TMEM237: variants seen among roughly 807,000 people sequenced by gnomAD.
The protein encoded by TMEM237 is amyotrophic lateral sclerosis 2 (juvenile) chromosome region, candidate 4.
TMEM237 carries 51 observed loss-of-function variants against 59.1 expected under a neutral mutation model. The ratio of observed to expected loss-of-function variants is 0.86; its 90% CI spans 0.69 to 1.09. The LOEUF (loss-of-function observed/expected upper bound fraction) is 1.09. Ranked by LOEUF, TMEM237 falls within the 50% of genes least tolerant of loss-of-function variation. The pLI is 0.00. For missense variants in TMEM237, 475 were observed against 478.3 expected (o/e 0.99, Z 0.06); for synonymous variants, 140 against 166.1 (o/e 0.84, Z 1.21).
intron 3 of TMEM237, among the ~76,000 whole-genome samples, chr2:201,639,589 A>C (rs574092904): frequency 5.9e-5 from 9 of 152,332 alleles, no homozygotes; most frequent in African/African-American, 2.2e-4. Context: ...TGAGCTCAGG[A>C]GTTCGACACC....
At chr2:201,629,618 T>C in intron 8 of TMEM237, 111 bp downstream of exon 8, 2 of 1,449,166 alleles carry the variant, frequency 1.4e-6, no homozygotes, top group Non-Finnish European at 1.8e-6. Flanking sequence ...TACCTACCAT[T>C]TTAAGTTGTG....
intron 11 of TMEM237, among the ~76,000 whole-genome samples, chr2:201,626,584 T>C (rs970550085): frequency 1.4e-5 from 2 of 145,950 alleles, no homozygotes; most frequent in Non-Finnish European, 3.0e-5. Flanking sequence ...TTTTATGAAC[T>C]ATAATCTCAG....
chr2:201,626,444 C>A, intron 11 of TMEM237: 1 of 183,792 alleles, frequency 5.4e-6, no homozygotes, highest in African/African-American at 2.4e-5. Flanking sequence ...CATTAATCCT[C>A]AATAAAGTAT....
At chr2:201,640,995 T>C in intron 1 of TMEM237, 71 bp from the exon 2 acceptor site, 2 of 1,373,900 alleles carry the variant, frequency 1.5e-6, no homozygotes, top group Non-Finnish European at 2.0e-6. Context: ...ACCATCACGC[T>C]ATTTTTTTTT....
At chr2:201,631,679 A>G (rs1394033147) in intron 7 of TMEM237, among the ~76,000 whole-genome samples, 2 of 152,136 alleles carry the variant, frequency 1.3e-5, no homozygotes, top group Admixed American at 6.5e-5. Flanking sequence ...TTAATATTTG[A>G]GCCTATTTCC....
Position 201,641,017 on chromosome 2 carries a change from T to A in TMEM237, c.43-93A>T, listed in dbSNP as rs2540424. The A allele has an allele frequency of 0.74, 823,934 of 1,108,656 alleles. 308,533 individuals are homozygous for A. The highest frequency in any genetic ancestry group is 0.98 in the East Asian group (37,639 of 38,214). The allele number at this position is 1,108,656 out of a possible 1,614,324, so 68.7% of individuals were successfully genotyped here. ...CGCTATTTTTTTTTTTTTGAGATGG[T>A]GTATTGCTGTGTGGCCCAGGCTGGA... On this transcript the variant is annotated intron_variant, in intron 1 of 12. Coordinates refer to ENST00000409883, the MANE Select transcript of TMEM237 (RefSeq NM_001044385.3).
chr2:201,632,041 A>T lies in TMEM237; in HGVS notation c.553+10T>A, dbSNP rs1169855199. On this transcript the variant is annotated intron_variant, in intron 7 of 12. Transcript: ENST00000409883. ...AAGAGTTCATATTCTAAAACAAGGC[A>T]TCTACTTACGGCTTTTTTCCACAAA... 5.6e-6 allele frequency: 9 copies of T among 1,613,404 alleles called. No homozygotes were observed. Among genetic ancestry groups the T allele is most frequent in the Non-Finnish European group, 6.8e-6 (8 of 1,179,556 alleles).
At position 201,622,674 on chromosome 2, in the gene TMEM237, A is replaced by G. The variant is rs1203451262; in HGVS notation, c.*1581T>C. ...ATAAGATTACACTGGACCCTTCTGG[A>G]TAATACAGGATAATGTCCCCGTTTT... On this transcript the variant is annotated 3_prime_UTR_variant, in exon 13 of 13. Transcript: ENST00000409883. 1 of 152,272 alleles carries G rather than the reference A, an allele frequency of 6.6e-6. No homozygotes were observed. Among genetic ancestry groups the G allele is most frequent in the Admixed American group, 6.5e-5 (1 of 15,276 alleles). 9.4% of individuals were successfully genotyped at this position (152,272 alleles called of 1,614,324 possible).
At chr2:201,636,680 G>T in intron 5 of TMEM237, 68 bp downstream of exon 5, 1 of 1,510,178 alleles carries the variant, frequency 6.6e-7, no homozygotes, top group South Asian at 1.2e-5. Context: ...AATGAAAGCA[G>T]AGAGGTTTTT....
At chr2:201,625,284 C>G (rs1253406190) in intron 12 of TMEM237, among the ~76,000 whole-genome samples, 2 of 151,890 alleles carry the variant, frequency 1.3e-5, no homozygotes, top group African/African-American at 4.8e-5. Flanking sequence ...ATGACATGAA[C>G]CCGGGAGGCG....
At chr2:201,640,051 T>C (rs1047996425) in intron 3 of TMEM237, among the ~76,000 whole-genome samples, 5 of 152,218 alleles carry the variant, frequency 3.3e-5, no homozygotes. Context: ...GGTGACCCCA[T>C]TCAGGGATGA....
chr2:201,627,352 A>C lies in TMEM237; in HGVS notation c.1006T>G (p.Tyr336Asp). The change falls in exon 11 of 13, where the codon TAC (tyrosine) becomes GAC (aspartate). Residue 336 changes from tyrosine (Y) to aspartate (D), a missense_variant. Coordinates refer to ENST00000409883, the MANE Select transcript of TMEM237 (RefSeq NM_001044385.3). ...QQMTSDRIHL[Y>D]TPSSVNGSLW... The stretch of plus-strand genomic sequence containing the variant: ...CTACCATTAACAGAAGAAGGTGTGT[A>C]AAGGTGGATTCTGTCACTTGTCATT... 2 of 1,608,924 alleles carry C rather than the reference A, an allele frequency of 1.2e-6. No homozygotes were observed. Among genetic ancestry groups the C allele is most frequent in the Non-Finnish European group, 1.7e-6 (2 of 1,177,554 alleles).
chr2:201,627,342 G>C lies in TMEM237; in HGVS notation c.1016C>G (p.Ser339Cys), dbSNP rs751740441. The part of the protein sequence containing the change: ...TSDRIHLYTP[S>C]SVNGSLWEAG... ...TTACCAGAGGCTACCATTAACAGAAGAAGGTGTGTAAAGGTGGATTCTGTC... is the reference window on the plus strand; with the variant it reads ...TTACCAGAGGCTACCATTAACAGAACAAGGTGTGTAAAGGTGGATTCTGTC... Residue 339 changes from serine to cysteine, a missense_variant, in exon 11 of 13, where the codon TCT (serine) becomes TGT (cysteine). Ser to Cys is a moderately radical substitution (Grantham distance 112). Transcript: ENST00000409883. 1.2e-6 allele frequency: 2 copies of C among 1,607,986 alleles called. No individual in the cohort carries two copies. The highest frequency in any genetic ancestry group is 2.7e-5 in the African/African-American group (2 of 74,874).
chr2:201,635,171 TG>T lies in TMEM237; in HGVS notation c.274+1576del, dbSNP rs1310987951. On this transcript the variant is annotated intron_variant, in intron 5 of 12. Transcript: ENST00000409883. The surrounding 1 kb of genome is among the most constrained non-coding windows in gnomAD (Gnocchi z 4.5). The stretch of plus-strand genomic sequence containing the variant: ...TCTTCCATTCTTTTTACTATGTAGA[TG>T]TATGTACATATTTACGTTCTGGGTT... 6.6e-6 allele frequency among the ~76,000 whole-genome samples: 1 copy of T among 152,212 alleles called. No individual in the cohort carries two copies. The highest frequency in any genetic ancestry group is 2.4e-5 in the African/African-American group (1 of 41,450).
At chr2:201,634,097 T>C (rs1220312431) in intron 5 of TMEM237, among the ~76,000 whole-genome samples, 4 of 152,218 alleles carry the variant, frequency 2.6e-5, no homozygotes, top group African/African-American at 9.6e-5. Flanking sequence ...AAGTTTTCTA[T>C]CAGTGTAGGG....
chr2:201,642,675 C>A, intron 1 of TMEM237: 2 of 1,605,032 alleles, frequency 1.2e-6, no homozygotes, highest in Non-Finnish European at 1.7e-6. Flanking sequence ...GCACCTGGCG[C>A]CCCACCCCTC....
In TMEM237 at chr2:201,643,366, CCCT is replaced by C. The variant is rs1335984658; in HGVS notation, c.32_34del (p.Glu11del). On this transcript the variant is annotated inframe_deletion, in exon 1 of 13. Transcript: ENST00000409883. This position sits in a 1 kb window ranked among gnomAD's most constrained non-coding sequence, Gnocchi z 4.3. ...GCGCCCCTCGCCGCTCACCAGGTGG[CCCT>C]CCTCCAGCCGAGCCCCCGAGTCAGT... The C allele has an allele frequency of 1.9e-6, 3 of 1,545,004 alleles. No individual in the cohort carries two copies. Among genetic ancestry groups the C allele is most frequent in the East Asian group, 2.5e-5 (1 of 39,896 alleles).
At chr2:201,636,917 T>C in intron 4 of TMEM237, 32 bp from the exon 5 acceptor site, 1 of 1,573,938 alleles carries the variant, frequency 6.4e-7, no homozygotes, top group Non-Finnish European at 8.6e-7. Context: ...AAAAATGAGA[T>C]TACTTGAGCA....
At chr2:201,637,691 G>A (rs1215218483) in intron 4 of TMEM237, among the ~76,000 whole-genome samples, 1 of 147,368 alleles carries the variant, frequency 6.8e-6, no homozygotes, top group East Asian at 2.0e-4. Flanking sequence ...GTTGCAGGGA[G>A]CCAAGATCAC....
Sources: allele counts gnomAD v4.1 joint callset (sites outside exome capture counted in the v4.1 genomes callset), GRCh38; gene constraint gnomAD v4.1.1; non-coding constraint Gnocchi (gnomAD v3.1); transcripts MANE v1.5; gene names NCBI Gene and HGNC (gene_info 2026-07-23, HGNC 2026-07-21).